Variants in MTFR1 observed in about 807,000 individuals in gnomAD.
The protein encoded by MTFR1 is mitochondrial fission regulator 1.
Under a neutral mutation model 38.8 loss-of-function variants are expected in MTFR1, and 28 were observed. The observed-to-expected ratio is 0.72, with a 90% CI of 0.53 to 0.99. The LOEUF (loss-of-function observed/expected upper bound fraction) is 0.99. Ranked by LOEUF, MTFR1 falls within the 50% of genes least tolerant of loss-of-function variation. The probability of loss-of-function intolerance (pLI) is 0.00; values close to 1 mark genes in which losing one functional copy is unlikely to be tolerated. For missense variants in MTFR1, 358 were observed against 395.5 expected (o/e 0.91, Z 0.81); for synonymous variants, 145 against 137.0 (o/e 1.06, Z -0.41).
the MTFR1 span, among the ~76,000 whole-genome samples, chr8:65,778,105 A>G: frequency 6.6e-6 from 1 of 152,146 alleles, no homozygotes; most frequent in Non-Finnish European, 1.5e-5. Context: ...CCCTTTGACA[A>G]CCAGGGTTGG....
chr8:65,707,337 T>G lies in MTFR1; in HGVS notation c.764+81T>G, dbSNP rs191659521. 2.7e-4 allele frequency: 388 copies of G among 1,433,576 alleles called. No individual in the cohort carries two copies. In the African/African-American group the frequency reaches 4.0e-3, roughly 15 times the overall value. The allele number at this position is 1,433,576 out of a possible 1,614,324, so 88.8% of individuals were successfully genotyped here. A position where few individuals can be genotyped will look rare whatever the true frequency, so the allele number is the denominator to read the frequency against. ...TACCAGGCTTCTTGAGGAATTTTGT[T>G]TATAACATGACTGCCATGAATAGTT... On this transcript the variant is annotated intron_variant, in intron 6 of 7. Coordinates refer to ENST00000262146, the MANE Select transcript of MTFR1 (RefSeq NM_014637.4).
intron 4 of MTFR1, among the ~76,000 whole-genome samples, chr8:65,697,424 C>T (rs1332510201): frequency 6.6e-6 from 1 of 152,194 alleles, no homozygotes; most frequent in Admixed American, 6.5e-5. Context: ...TATTCTCTGG[C>T]TATTCATCTA....
At chr8:65,750,363 C>G (rs1324918099) in intron 3 of MTFR1, among the ~76,000 whole-genome samples, 3 of 152,116 alleles carry the variant, frequency 2.0e-5, no homozygotes, top group Non-Finnish European at 4.4e-5. Context: ...AGCATTCCCT[C>G]TGATTTACCT....
chr8:65,667,561 G>A (rs1284940131), intron 1 of MTFR1, among the ~76,000 whole-genome samples: 1 of 151,922 alleles, frequency 6.6e-6, no homozygotes, highest in African/African-American at 2.4e-5. Context: ...CCAAGTAGCT[G>A]GGATTACAGG....
At chr8:65,681,671 G>GTTTTTTTTTTTTTTTT (rs200580429) in intron 2 of MTFR1, among the ~76,000 whole-genome samples, 6 of 108,344 alleles carry the variant, frequency 5.5e-5, no homozygotes, top group South Asian at 3.2e-4. Context: ...TGTTGTTTTT[G>GTTTTTTTTTTTTTTTT]TTTTTTTTTT....
chr8:65,772,848 AC>A (rs1235385519), downstream of MTFR1, among the ~76,000 whole-genome samples: 3 of 152,078 alleles, frequency 2.0e-5, no homozygotes, highest in African/African-American at 7.2e-5. Flanking sequence ...TAATAAAAAT[AC>A]AAAAAAAAAT....
chr8:65,703,395 G>C (rs1159901874), intron 4 of MTFR1, among the ~76,000 whole-genome samples: 1 of 128,034 alleles, frequency 7.8e-6, no homozygotes, highest in African/African-American at 3.0e-5. Context: ...TCTGTTTTTG[G>C]TACATCCATG....
intron 3 of MTFR1, among the ~76,000 whole-genome samples, chr8:65,766,261 CA>C (rs1360264031): frequency 6.6e-6 from 1 of 152,020 alleles, no homozygotes; most frequent in Non-Finnish European, 1.5e-5. Context: ...GAATTTTTGA[CA>C]AAAAAATCAA....
intron 2 of MTFR1, among the ~76,000 whole-genome samples, chr8:65,676,416 T>A (rs1585766770): frequency 1.3e-5 from 2 of 152,212 alleles, no homozygotes; most frequent in East Asian, 3.8e-4. Flanking sequence ...CAGGCTGGAG[T>A]GCAGTGGCGC....
At chr8:65,724,944 A>G in intron 3 of MTFR1, 1 of 1,516,856 alleles carries the variant, frequency 6.6e-7, no homozygotes. Context: ...AAATATAAAG[A>G]GAAAATATAA....
At chr8:65,728,027 T>C (rs1186155357) in intron 3 of MTFR1, 4 of 152,254 alleles carry the variant, frequency 2.6e-5, no homozygotes, top group Non-Finnish European at 5.9e-5. Context: ...ACCTTGACTA[T>C]ATCATCTGCT....
the MTFR1 span, among the ~76,000 whole-genome samples, chr8:65,777,054 C>T: frequency 7.1e-6 from 1 of 140,286 alleles, no homozygotes; most frequent in Non-Finnish European, 1.5e-5. Context: ...TAAGAAAGAA[C>T]AAATACTCAA....
In MTFR1 at chr8:65,724,221, G is replaced by A. The variant is rs1387886548; in HGVS notation, c.*48+4740G>A. Reference sequence around the variant, plus strand: ...TACGATGTTAAAAAAAAATGAACTGGATAGATTAATTATCACTCAATACTG... The same window carrying A: ...TACGATGTTAAAAAAAAATGAACTGAATAGATTAATTATCACTCAATACTG... On this transcript the variant is annotated intron_variant, in intron 3 of 3. Transcript: ENST00000521247. The A allele has an allele frequency of 3.8e-6, 5 of 1,331,162 alleles. No individual in the cohort carries two copies. In the Admixed American group the frequency reaches 5.1e-5, roughly 14 times the overall value. The allele number at this position is 1,331,162 out of a possible 1,614,324, so 82.5% of individuals were successfully genotyped here.
At chr8:65,735,787 G>A (rs552499708) in intron 3 of MTFR1, among the ~76,000 whole-genome samples, 10 of 151,868 alleles carry the variant, frequency 6.6e-5, no homozygotes, top group African/African-American at 1.5e-4. Context: ...CATCATGCTC[G>A]GCTAATTTTT....
intron 4 of MTFR1, among the ~76,000 whole-genome samples, chr8:65,698,498 GAAAATCC>G (rs1268763536): frequency 6.6e-6 from 1 of 151,816 alleles, no homozygotes; most frequent in African/African-American, 2.4e-5. Flanking sequence ...ACCCTAATTT[GAAAATCC>G]AAAATCAGAA....
rs372795383 is a variant in MTFR1, at chr8:65,709,288, G to A, written c.*244G>A. 20 of 413,214 alleles carry A rather than the reference G, an allele frequency of 4.8e-5. No individual in the cohort carries two copies. The highest frequency in any genetic ancestry group is 1.5e-4 in the South Asian group (3 of 19,500). The allele number at this position is 413,214 out of a possible 1,614,324, so 25.6% of individuals were successfully genotyped here. A position where few individuals can be genotyped will look rare whatever the true frequency, so the allele number is the denominator to read the frequency against. ...CATGTTTCTAATATGTGGCCAGGGC[G>A]TTCAGATTTCCAGTTTTGAAAACAA... On this transcript the variant is annotated 3_prime_UTR_variant, in exon 8 of 8. Transcript: ENST00000262146.
Position 65,707,692 on chromosome 8 carries a change from C to T in MTFR1, c.765-151C>T, listed in dbSNP as rs542469134. 5.6e-5 allele frequency: 55 copies of T among 974,512 alleles called. No individual in the cohort carries two copies. The African/African-American group carries it at 8.0e-4, about 14-fold the overall frequency. The allele number at this position is 974,512 out of a possible 1,614,324, so 60.4% of individuals were successfully genotyped here. A position where few individuals can be genotyped will look rare whatever the true frequency, so the allele number is the denominator to read the frequency against. ...GCTTTTGTTGAGCATTAGCTCTAGG[C>T]TTCCATCTCAATGCTAGCAGTATTT... On this transcript the variant is annotated intron_variant, in intron 6 of 7. Coordinates refer to ENST00000262146, the MANE Select transcript of MTFR1 (RefSeq NM_014637.4).
intron 3 of MTFR1, among the ~76,000 whole-genome samples, chr8:65,726,535 T>TA (rs1424045344): frequency 3.9e-5 from 6 of 152,300 alleles, no homozygotes; most frequent in African/African-American, 1.4e-4. Context: ...CCTTTATACC[T>TA]AGACCTTAAG....
downstream of MTFR1, among the ~76,000 whole-genome samples, chr8:65,712,284 AC>A (rs918103647): frequency 6.6e-6 from 1 of 152,144 alleles, no homozygotes; most frequent in African/African-American, 2.4e-5. Context: ...TAAGGCACTG[AC>A]CGCGGGGGCT....
Sources: allele counts gnomAD v4.1 joint callset (sites outside exome capture counted in the v4.1 genomes callset), GRCh38; gene constraint gnomAD v4.1.1; transcripts MANE v1.5; gene names NCBI Gene and HGNC (gene_info 2026-07-23, HGNC 2026-07-21).